DNM3: variants seen among roughly 807,000 people sequenced by gnomAD.
DNM3 encodes the protein dynamin-3.
Under a neutral mutation model 101.6 loss-of-function variants are expected in DNM3, and 47 were observed. That is an observed-to-expected ratio of 0.46 (90% CI 0.37 to 0.59). The LOEUF is 0.59. Ranked by LOEUF, DNM3 falls within the 20% of genes least tolerant of loss-of-function variation. The pLI, the probability that DNM3 is intolerant of heterozygous loss-of-function variation, is 0.00. For synonymous variants in DNM3, 385 were observed against 387.9 expected, an observed-to-expected ratio of 0.99 and a Z score of 0.09; for missense variants, 849 against 1,085.7, an observed-to-expected ratio of 0.78 and a Z score of 3.06.
chr1:171,854,743 AT>A (rs1375987452), intron 1 of DNM3, among the ~76,000 whole-genome samples: 320 of 145,018 alleles, frequency 2.2e-3, no homozygotes, highest in African/African-American at 5.3e-3. Flanking sequence ...TGCCAGGCTA[AT>A]TTTTTTTTTT....
At chr1:172,362,732 A>T (rs2067807393) in intron 17 of DNM3, among the ~76,000 whole-genome samples, 1 of 150,884 alleles carries the variant, frequency 6.6e-6, no homozygotes, top group Non-Finnish European at 1.5e-5. Context: ...CCCTTTCCAC[A>T]TTCTGCACCT....
chr1:172,169,526 A>G (rs1005683362), intron 14 of DNM3, among the ~76,000 whole-genome samples: 2 of 151,984 alleles, frequency 1.3e-5, no homozygotes, highest in Non-Finnish European at 2.9e-5. Context: ...TTCTAAGGCC[A>G]TGGCCACTAA....
intron 15 of DNM3, among the ~76,000 whole-genome samples, chr1:172,296,380 T>A (rs1218459065): frequency 6.6e-6 from 1 of 152,236 alleles, no homozygotes; most frequent in Non-Finnish European, 1.5e-5. Flanking sequence ...CCAAATGGTC[T>A]GTAGCCAAGG....
intron 16 of DNM3, among the ~76,000 whole-genome samples, chr1:172,318,751 T>C (rs2065531324): frequency 6.6e-6 from 1 of 152,154 alleles, no homozygotes; most frequent in Non-Finnish European, 1.5e-5. Context: ...CACAAACAAA[T>C]GGAAGAACAT....
At chr1:172,265,942 G>A (rs181318302) in intron 15 of DNM3, among the ~76,000 whole-genome samples, 6 of 152,170 alleles carry the variant, frequency 3.9e-5, no homozygotes, top group Non-Finnish European at 5.9e-5. Context: ...TTCAATTCAG[G>A]ATATGGTTTA....
chr1:172,200,760 T>C (rs1333203512), intron 14 of DNM3, among the ~76,000 whole-genome samples: 1 of 152,182 alleles, frequency 6.6e-6, no homozygotes, highest in Non-Finnish European at 1.5e-5. Flanking sequence ...CATTAGATTC[T>C]TTTTATACTG....
At chr1:172,392,448 G>T (rs976642006) in intron 20 of DNM3, among the ~76,000 whole-genome samples, 1 of 152,108 alleles carries the variant, frequency 6.6e-6, no homozygotes, top group Non-Finnish European at 1.5e-5. Flanking sequence ...TTAACAAGAT[G>T]ATCTTAAACA....
intron 14 of DNM3, chr1:172,144,384 C>T: frequency 4.7e-6 from 1 of 213,024 alleles, no homozygotes; most frequent in Non-Finnish European, 9.9e-6. Context: ...TTCCCTTCGG[C>T]AGTCTTTTCT....
chr1:172,389,606 A>T (rs2069406609), intron 20 of DNM3, among the ~76,000 whole-genome samples: 1 of 152,182 alleles, frequency 6.6e-6, no homozygotes, highest in Non-Finnish European at 1.5e-5. Context: ...TTCCCCCTCA[A>T]AATCAGAAAT....
chr1:171,960,084 G>C (rs2043118401), intron 2 of DNM3, among the ~76,000 whole-genome samples: 1 of 152,154 alleles, frequency 6.6e-6, no homozygotes, highest in Non-Finnish European at 1.5e-5. Flanking sequence ...ATGAAGACTG[G>C]ATTAGGATGG....
rs537095314 is a variant in DNM3 at position 172,211,328 on chromosome 1, G to A, written c.1660-42245G>A. Among the ~76,000 whole-genome samples, 111 of 152,188 alleles carry A rather than the reference G, an allele frequency of 7.3e-4. 3 individuals are homozygous for A. In the South Asian group the frequency reaches 0.021, roughly 28 times the overall value. On this transcript the variant is annotated intron_variant, in intron 14 of 20. Transcript: ENST00000627582. ...AACAAAATCCAGCTGAAACTGAACCGTCTAAAGTTTTCCTTCTACAATTTT... is the reference window on the plus strand; with the variant it reads ...AACAAAATCCAGCTGAAACTGAACCATCTAAAGTTTTCCTTCTACAATTTT...
chr1:172,061,575 A>G (rs1020922458), intron 10 of DNM3, among the ~76,000 whole-genome samples: 3 of 151,740 alleles, frequency 2.0e-5, no homozygotes, highest in South Asian at 2.1e-4. Flanking sequence ...GGAAATCATC[A>G]TTCTCAGTAA....
At chr1:171,904,459 G>A (rs750050469) in intron 1 of DNM3, among the ~76,000 whole-genome samples, 1 of 152,208 alleles carries the variant, frequency 6.6e-6, no homozygotes, top group African/African-American at 2.4e-5. Flanking sequence ...TCCCAAGGAA[G>A]GTAAATAGGC....
chr1:172,165,819 T>G (rs1308692623), intron 14 of DNM3, among the ~76,000 whole-genome samples: 5 of 152,126 alleles, frequency 3.3e-5, no homozygotes, highest in African/African-American at 1.2e-4. Context: ...CACTAGAATT[T>G]TTAAGCTATT....
At chr1:172,109,472 T>G (rs780306659) in intron 13 of DNM3, among the ~76,000 whole-genome samples, 3 of 152,240 alleles carry the variant, frequency 2.0e-5, no homozygotes, top group Non-Finnish European at 4.4e-5. Context: ...CCTGTGCACA[T>G]AGCCTGACCA....
intron 11 of DNM3, among the ~76,000 whole-genome samples, chr1:172,070,765 A>G (rs1258607328): frequency 2.6e-5 from 4 of 152,062 alleles, no homozygotes; most frequent in Non-Finnish European, 5.9e-5. Flanking sequence ...GTTAACTCAC[A>G]GACATTTTGT....
intron 9 of DNM3, among the ~76,000 whole-genome samples, chr1:172,046,699 A>G (rs914879848): frequency 6.6e-6 from 1 of 152,142 alleles, no homozygotes; most frequent in African/African-American, 2.4e-5. Context: ...TTCTTTTACC[A>G]TCGATAGGAT....
At chr1:172,111,421 G>C (rs974194139) in intron 13 of DNM3, among the ~76,000 whole-genome samples, 1 of 152,156 alleles carries the variant, frequency 6.6e-6, no homozygotes, top group African/African-American at 2.4e-5. Context: ...AATAATATCA[G>C]CCCTTCACTG....
At chr1:172,387,762 A>G (rs2069278443) in intron 19 of DNM3, among the ~76,000 whole-genome samples, 1 of 152,168 alleles carries the variant, frequency 6.6e-6, no homozygotes, top group African/African-American at 2.4e-5. Context: ...GGACCTACAG[A>G]AAAAGGGGAA....
Sources: gnomAD v4.1 joint callset for allele counts (sites outside exome capture counted in the v4.1 genomes callset) on GRCh38, gnomAD v4.1.1 for gene constraint, MANE v1.5 for transcripts, NCBI Gene and HGNC (gene_info 2026-07-23, HGNC 2026-07-21) for gene names.